CD300LB: variants seen among roughly 807,000 people sequenced by gnomAD.
CD300LB encodes the protein CMRF35-like molecule 7.
A neutral mutation model predicts 20.8 loss-of-function variants in CD300LB; 18 were observed. The ratio of observed to expected loss-of-function variants is 0.87; its 90% CI spans 0.60 to 1.28. The LOEUF is 1.28. Ranked by LOEUF, CD300LB falls within the 50% of genes most tolerant of loss-of-function variation. CD300LB has a pLI of 0.00. For synonymous variants in CD300LB, 91 were observed against 91.3 expected (o/e 1.00, Z 0.02); for missense variants, 222 against 251.8 (o/e 0.88, Z 0.80).
In CD300LB at chr17:74,521,678, G is replaced by A. The variant is rs1907883082; in HGVS notation, c.*1060C>T. ...GCAGGTTGGAGGCGTCCTCATGGGT[G>A]TTCAAAGGGCAACATGCCGAACATG... On this transcript the variant is annotated 3_prime_UTR_variant, in exon 4 of 4. Coordinates refer to ENST00000392621, the MANE Select transcript of CD300LB (RefSeq NM_174892.4). 3.0e-6 allele frequency: 3 copies of A among 985,452 alleles called. No individual in the cohort carries two copies. The African/African-American group carries it at 5.2e-5, about 17-fold the overall frequency. The allele number at this position is 985,452 out of a possible 1,614,324, so 61.0% of individuals were successfully genotyped here.
chr17:74,523,510 G>T, intron 3 of CD300LB, 69 bp downstream of exon 3: 1 of 1,108,862 alleles, frequency 9.0e-7, no homozygotes, highest in Non-Finnish European at 1.4e-6. Context: ...ACAGGCAGGA[G>T]TTCCCAGGCT....
chr17:74,531,175 G>A (rs1908201619), intron 1 of CD300LB, 136 bp downstream of exon 1: 2 of 999,162 alleles, frequency 2.0e-6, no homozygotes, highest in Non-Finnish European at 1.4e-6. Context: ...AGCACACGAT[G>A]TCAGTCCCCA....
At chr17:74,523,397 G>A (rs369420455) in intron 3 of CD300LB, 182 bp downstream of exon 3, 1 of 616,090 alleles carries the variant, frequency 1.6e-6, no homozygotes, top group South Asian at 1.8e-5. Flanking sequence ...TCTGGTGAGA[G>A]CTAGAGTGGG....
rs1379022055 is a variant in CD300LB, at chr17:74,522,725, C to T, written c.*13G>A. ...ACGTGGCCAGGGCAGGAAGGCTCTG[C>T]AGATCCATCTCTCTAAGTGGCCATG... is the stretch of plus-strand genomic sequence containing the variant. On this transcript the variant is annotated 3_prime_UTR_variant, in exon 4 of 4. Transcript: ENST00000392621. 1 of 1,613,844 alleles carries T rather than the reference C, an allele frequency of 6.2e-7. No homozygotes were observed. Among genetic ancestry groups the T allele is most frequent in the African/African-American group, 1.3e-5 (1 of 74,936 alleles).
chr17:74,524,948 G>A (rs1907986851), intron 2 of CD300LB, among the ~76,000 whole-genome samples: 1 of 152,168 alleles, frequency 6.6e-6, no homozygotes, highest in Non-Finnish European at 1.5e-5. Context: ...CTGTGTCCAT[G>A]TGCCTCTTTG....
Position 74,522,863 on chromosome 17 carries a change from T to C in CD300LB, c.481A>G (p.Ile161Val), listed in dbSNP as rs1343406221. ...ATGGCAGTGACCAAGATGAGCAAGA[T>C]GGGCACCTTCACAAATACCAGGAGC... is the stretch of plus-strand genomic sequence containing the variant. Reference protein sequence around the residue: ...YMLLVFVKVPILLILVTAILW... With the variant: ...YMLLVFVKVPVLLILVTAILW... Residue 161 changes from isoleucine (I) to valine (V), a missense_variant, in exon 4 of 4, where the codon ATC becomes GTC. By Grantham distance (29) the Ile-to-Val change is conservative. Coordinates refer to ENST00000392621, the MANE Select transcript of CD300LB (RefSeq NM_174892.4). 3.7e-6 allele frequency: 6 copies of C among 1,613,988 alleles called. No individual in the cohort carries two copies. The highest frequency in any genetic ancestry group is 5.1e-6 in the Non-Finnish European group (6 of 1,180,012).
chr17:74,523,755 T>A, intron 2 of CD300LB, 104 bp from the exon 3 acceptor site: 1 of 753,548 alleles, frequency 1.3e-6, no homozygotes, highest in Non-Finnish European at 2.4e-6. Flanking sequence ...AAGACCCTTT[T>A]CCCTGGAGTA....
At chr17:74,528,577 A>G (rs1017383105) in intron 1 of CD300LB, among the ~76,000 whole-genome samples, 2 of 151,834 alleles carry the variant, frequency 1.3e-5, no homozygotes, top group Non-Finnish European at 2.9e-5. Flanking sequence ...CCTCTCCTTC[A>G]GCCCCCGAGC....
intron 2 of CD300LB, among the ~76,000 whole-genome samples, chr17:74,525,405 C>A (rs1907999066): frequency 6.6e-6 from 1 of 152,072 alleles, no homozygotes; most frequent in Non-Finnish European, 1.5e-5. Flanking sequence ...CTAGGACCCC[C>A]TGGGCAGCTC....
chr17:74,522,931 T>C, intron 3 of CD300LB, 31 bp from the exon 4 acceptor site: 1 of 1,602,298 alleles, frequency 6.2e-7, no homozygotes, highest in Non-Finnish European at 8.5e-7. Context: ...GTCAGAGCCC[T>C]GGGCATCCCC....
rs146364730 is a variant in CD300LB, at chr17:74,523,676, G to T, written c.371-25C>A. 156 of 1,554,224 alleles carry T rather than the reference G, an allele frequency of 1.0e-4. 2 individuals carry two copies. In the East Asian group the frequency reaches 3.4e-3, roughly 34 times the overall value. ...TCTAGACACAGGCAAAGTCAGCCAT[G>T]GGTTATTAGCACAGTTGGGAGCTCA... is the stretch of plus-strand genomic sequence containing the variant. On this transcript the variant is annotated intron_variant, in intron 2 of 3. Transcript: ENST00000392621.
Position 74,530,591 on chromosome 17 carries a change from A to ACACC in CD300LB, c.40+719_40+720insGGTG, listed in dbSNP as rs879389543. 1.8e-3 allele frequency among the ~76,000 whole-genome samples: 267 copies of ACACC among 146,862 alleles called. 1 individual carries two copies. The highest frequency in any genetic ancestry group is 6.5e-3 in the African/African-American group (249 of 38,292). ...CACACACACACACACACACACACACACCCAACTCTCTAGAGTGTTCTCCTC... is the reference window on the plus strand; with the variant it reads ...CACACACACACACACACACACACACACACCCCCAACTCTCTAGAGTGTTCTCCTC... On this transcript the variant is annotated intron_variant, in intron 1 of 3. Transcript: ENST00000392621.
At chr17:74,523,717 G>T in intron 2 of CD300LB, 66 bp from the exon 3 acceptor site, 1 of 1,062,058 alleles carries the variant, frequency 9.4e-7, no homozygotes, top group Non-Finnish European at 1.5e-6. Context: ...GGGTCACAAA[G>T]CCACGCGACC....
At chr17:74,530,009 A>C (rs1467716602) in intron 1 of CD300LB, among the ~76,000 whole-genome samples, 1 of 152,200 alleles carries the variant, frequency 6.6e-6, no homozygotes, top group Non-Finnish European at 1.5e-5. Flanking sequence ...TGGAACTATT[A>C]ATCAGGCTTC....
Position 74,521,543 on chromosome 17 carries a change from T to C in CD300LB, c.*1195A>G. Reference sequence around the variant, plus strand: ...AGTTCAAAGTCAGAGAAAGTTTCTCTTTGGCTGAAGGACAAGAAGAGGGGA... The same window carrying C: ...AGTTCAAAGTCAGAGAAAGTTTCTCCTTGGCTGAAGGACAAGAAGAGGGGA... On this transcript the variant is annotated 3_prime_UTR_variant, in exon 4 of 4. Coordinates refer to ENST00000392621, the MANE Select transcript of CD300LB (RefSeq NM_174892.4). The C allele has an allele frequency of 1.0e-6, 1 of 985,468 alleles. No individual in the cohort carries two copies. Among genetic ancestry groups the C allele is most frequent in the South Asian group, 4.7e-5 (1 of 21,294 alleles). The allele number at this position is 985,468 out of a possible 1,614,324, so 61.0% of individuals were successfully genotyped here.
rs1056902421 is a variant in CD300LB at position 74,522,040 on chromosome 17, C to T, written c.*698G>A. On this transcript the variant is annotated 3_prime_UTR_variant, in exon 4 of 4. Transcript: ENST00000392621. The stretch of plus-strand genomic sequence containing the variant: ...AGGAGGCTCCCAAGCTGCAGCCCCT[C>T]GGAGGTGGGGGAATAGGCAGGGAGC... 9.1e-6 allele frequency: 9 copies of T among 985,260 alleles called. No homozygotes were observed. Among genetic ancestry groups the T allele is most frequent in the African/African-American group, 3.5e-5 (2 of 57,192 alleles). The allele number at this position is 985,260 out of a possible 1,614,324, so 61.0% of individuals were successfully genotyped here. A position where few individuals can be genotyped will look rare whatever the true frequency, so the allele number is the denominator to read the frequency against.
In CD300LB at chr17:74,522,594, T is replaced by TC; in HGVS notation, c.*143_*144insG. The TC allele has an allele frequency of 6.8e-7, 1 of 1,467,070 alleles. No individual in the cohort carries two copies. Among genetic ancestry groups the TC allele is most frequent in the South Asian group, 1.4e-5 (1 of 71,834 alleles). 90.9% of individuals were successfully genotyped at this position (1,467,070 alleles called of 1,614,324 possible). A position where few individuals can be genotyped will look rare whatever the true frequency, so the allele number is the denominator to read the frequency against. On this transcript the variant is annotated 3_prime_UTR_variant, in exon 4 of 4. Transcript: ENST00000392621. ...CCCTGAGCTGTGCAGAACAGGGAGG[T>TC]GCCCACCAGCTCCAAGGCCAGGGCG...
chr17:74,529,784 C>T (rs1179084694), intron 1 of CD300LB, among the ~76,000 whole-genome samples: 1 of 152,052 alleles, frequency 6.6e-6, no homozygotes, highest in Non-Finnish European at 1.5e-5. Context: ...AGTGAAACTC[C>T]GTCTCAAAAA....
At chr17:74,530,330 A>G (rs892789927) in intron 1 of CD300LB, among the ~76,000 whole-genome samples, 9 of 152,216 alleles carry the variant, frequency 5.9e-5, no homozygotes, top group Non-Finnish European at 1.0e-4. Flanking sequence ...CATGGAGAAG[A>G]TCATCTAGCC....
Sources: gnomAD v4.1 joint callset for allele counts (sites outside exome capture counted in the v4.1 genomes callset) on GRCh38, gnomAD v4.1.1 for gene constraint, MANE v1.5 for transcripts, NCBI Gene and HGNC (gene_info 2026-07-23, HGNC 2026-07-21) for gene names.